The following LIN54 variants were observed in gnomAD, a reference collection of about 807,000 sequenced individuals.
LIN54 encodes lin-54 DREAM MuvB core complex component, also known as protein lin-54 homolog.
LIN54 carries 9 observed loss-of-function variants against 78.7 expected under a neutral mutation model. The observed-to-expected ratio is 0.11, with a 90% CI of 0.07 to 0.20. The LOEUF (loss-of-function observed/expected upper bound fraction) is 0.20. LIN54 is among the 10% of genes least tolerant of loss of function. LIN54 has a pLI of 1.00. For missense variants in LIN54, 573 were observed against 889.9 expected, an observed-to-expected ratio of 0.64 and a Z score of 4.53; for synonymous variants, 269 against 318.4, an observed-to-expected ratio of 0.84 and a Z score of 1.65.
intron 1 of LIN54, among the ~76,000 whole-genome samples, chr4:83,001,395 TAA>T (rs57228471): frequency 0.18 from 27,766 of 151,526 alleles, 2,702 homozygotes; most frequent in South Asian, 0.32. Flanking sequence ...ACAAAAAATT[TAA>T]AAGTTAGCCA....
intron 4 of LIN54, among the ~76,000 whole-genome samples, chr4:82,955,228 G>A (rs998150368): frequency 6.6e-6 from 1 of 152,060 alleles, no homozygotes; most frequent in Non-Finnish European, 1.5e-5. Flanking sequence ...ACTGGGCTTG[G>A]TGGCATCCAC....
At chr4:82,949,628 C>A (rs1723692171) in intron 4 of LIN54, among the ~76,000 whole-genome samples, 1 of 151,896 alleles carries the variant, frequency 6.6e-6, no homozygotes, top group Non-Finnish European at 1.5e-5. Flanking sequence ...AACTCCTGAC[C>A]CCAAGTGATC....
rs1189195539 is a variant in LIN54 at position 83,010,789 on chromosome 4, G to C, written c.-338C>G. The C allele has an allele frequency of 7.3e-6, 9 of 1,234,982 alleles. No individual in the cohort carries two copies. The highest frequency in any genetic ancestry group is 1.6e-5 in the African/African-American group (1 of 64,386). The allele number at this position is 1,234,982 out of a possible 1,614,324, so 76.5% of individuals were successfully genotyped here. A position where few individuals can be genotyped will look rare whatever the true frequency, so the allele number is the denominator to read the frequency against. On this transcript the variant is annotated 5_prime_UTR_variant, in exon 1 of 13. Transcript: ENST00000340417. The stretch of plus-strand genomic sequence containing the variant: ...AGCTCAGCAGCTTCCCCGACAGCCG[G>C]AGCCCGGGCCGCCGCCGCCGCCGCC...
rs144795042 is a variant in LIN54, at chr4:83,001,543, G to A, written c.-33+8941C>T. On this transcript the variant is annotated intron_variant, in intron 1 of 12. Coordinates refer to ENST00000340417, the MANE Select transcript of LIN54 (RefSeq NM_194282.4). ...CCAGCCTGAGCAGGAGTGAAATCCT[G>A]TCAAAAAGAAAAGAAAAAGAAGCCG... Among the ~76,000 whole-genome samples the A allele has an allele frequency of 3.3e-3, 498 of 151,300 alleles. 5 individuals carry two copies. The highest frequency in any genetic ancestry group is 0.012 in the African/African-American group (479 of 41,242).
intron 2 of LIN54, among the ~76,000 whole-genome samples, chr4:82,981,465 C>T (rs1726631405): frequency 6.6e-6 from 1 of 152,130 alleles, no homozygotes; most frequent in African/African-American, 2.4e-5. Context: ...AAACTTAACA[C>T]TGACAACTAC....
At position 82,984,681 on chromosome 4, in the gene LIN54, T is replaced by G. The variant is rs1252288092; in HGVS notation, c.164A>C (p.Asp55Ala). 6.2e-7 allele frequency: 1 copy of G among 1,614,106 alleles called. No homozygotes were observed. Among genetic ancestry groups the G allele is most frequent in the East Asian group, 2.2e-5 (1 of 44,884 alleles). Residue 55 changes from aspartate to alanine, a missense_variant, in exon 2 of 13, where the codon GAC becomes GCC. Around this residue, in one of 6 missense-constraint regions of LIN54, gnomAD observed 183 missense variants for 228.4 expected, o/e 0.80. Transcript: ENST00000340417. ...EEIVNINSTG[D>A]STATPISTEP... ...CGTGGAAATGGGCGTGGCTGTAGAGTCACCAGTAGAATTTATGTTGACAAT... is the reference window on the plus strand; with the variant it reads ...CGTGGAAATGGGCGTGGCTGTAGAGGCACCAGTAGAATTTATGTTGACAAT...
chr4:82,935,944 T>C lies in LIN54; in HGVS notation c.1845+37A>G, dbSNP rs745823908. The C allele has an allele frequency of 3.1e-6, 5 of 1,603,840 alleles. No individual in the cohort carries two copies. The Admixed American group carries it at 5.0e-5, about 16-fold the overall frequency. ...TGTAGTAGGTCCTTTCTAAAACTGT[T>C]TTTAAAAGATATTATTTTCCGCACC... On this transcript the variant is annotated intron_variant, in intron 11 of 12. Transcript: ENST00000340417.
chr4:82,962,368 T>G (rs1015031613), intron 4 of LIN54, among the ~76,000 whole-genome samples: 14 of 152,202 alleles, frequency 9.2e-5, no homozygotes, highest in African/African-American at 3.4e-4. Flanking sequence ...CTAAGTTACC[T>G]ACTTTTAATA....
chr4:82,998,806 T>A (rs1487614197), intron 1 of LIN54, among the ~76,000 whole-genome samples: 1 of 151,898 alleles, frequency 6.6e-6, no homozygotes, highest in Non-Finnish European at 1.5e-5. Context: ...ATCAAAAAAA[T>A]TTAAGAAAAA....
intron 1 of LIN54, among the ~76,000 whole-genome samples, chr4:82,986,652 C>T (rs1258869047): frequency 2.1e-5 from 3 of 143,642 alleles, no homozygotes; most frequent in East Asian, 4.2e-4. Context: ...TGCAATGAGC[C>T]GAGATCGTGC....
rs570316333 is a variant in LIN54, at chr4:82,979,768, T to C, written c.685-762A>G. 4.6e-5 allele frequency among the ~76,000 whole-genome samples: 7 copies of C among 151,580 alleles called. 1 individual carries two copies. Among genetic ancestry groups the C allele is most frequent in the African/African-American group, 1.7e-4 (7 of 41,392 alleles). On this transcript the variant is annotated intron_variant, in intron 2 of 12. Coordinates refer to ENST00000340417, the MANE Select transcript of LIN54 (RefSeq NM_194282.4). ...GCCTGGCCAACATGGTGAAACCCTG[T>C]CTCTACAAAAATACAAAAATAAGCA...
At chr4:82,994,768 T>TA (rs1453613963) in intron 1 of LIN54, among the ~76,000 whole-genome samples, 2 of 152,012 alleles carry the variant, frequency 1.3e-5, no homozygotes, top group East Asian at 1.9e-4. Flanking sequence ...AGCTGGTTGA[T>TA]AGAGTTATTC....
intron 1 of LIN54, among the ~76,000 whole-genome samples, chr4:83,000,148 C>G (rs2126106620): frequency 6.6e-6 from 1 of 152,258 alleles, no homozygotes; most frequent in Middle Eastern, 3.4e-3. Flanking sequence ...CCTGCCTCAG[C>G]TCTCCAAAGT....
At chr4:83,011,593 T>TAA (rs34986040), upstream of LIN54, among the ~76,000 whole-genome samples, 69 of 150,868 alleles carry the variant, frequency 4.6e-4, no homozygotes, top group South Asian at 6.5e-3. Flanking sequence ...GTCATCAAAT[T>TAA]AAAAAAAAAC....
chr4:82,949,627 C>A (rs1723691865), intron 4 of LIN54, among the ~76,000 whole-genome samples: 1 of 151,354 alleles, frequency 6.6e-6, no homozygotes. Context: ...GAACTCCTGA[C>A]CCCAAGTGAT....
chr4:82,981,868 C>CA (rs980714618), intron 2 of LIN54, among the ~76,000 whole-genome samples: 252 of 151,506 alleles, frequency 1.7e-3, no homozygotes, highest in African/African-American at 5.7e-3. Context: ...CCCATCTCTA[C>CA]AAAAAAAATA....
At position 83,010,588 on chromosome 4, in the gene LIN54, T is replaced by C. The variant is rs1453443142; in HGVS notation, c.-137A>G. Reference sequence around the variant, plus strand: ...CGGGGCTTGTTTTGCCCGTGCACGATAGCTCTGGCCAGCAGCTTCCTTTCC... The same window carrying C: ...CGGGGCTTGTTTTGCCCGTGCACGACAGCTCTGGCCAGCAGCTTCCTTTCC... On this transcript the variant is annotated 5_prime_UTR_variant, in exon 1 of 13. Coordinates refer to ENST00000340417, the MANE Select transcript of LIN54 (RefSeq NM_194282.4). The C allele has an allele frequency of 4.9e-6, 6 of 1,220,712 alleles. No homozygotes were observed. The highest frequency in any genetic ancestry group is 6.1e-6 in the Non-Finnish European group (6 of 981,108). 75.6% of individuals were successfully genotyped at this position (1,220,712 alleles called of 1,614,324 possible).
rs112771308 is a variant in LIN54, at chr4:82,968,329, C to T, written c.951+1998G>A. Among the ~76,000 whole-genome samples the T allele has an allele frequency of 2.3e-3, 347 of 152,164 alleles. 3 individuals carry two copies. Among genetic ancestry groups the T allele is most frequent in the African/African-American group, 8.0e-3 (330 of 41,500 alleles). On this transcript the variant is annotated intron_variant, in intron 4 of 12. Coordinates refer to ENST00000340417, the MANE Select transcript of LIN54 (RefSeq NM_194282.4). ...TTGCCAAGAGTCAAGAAAGGAAGATCCAATATGGCAGGGCTAAAGTCAAGG... is the reference window on the plus strand; with the variant it reads ...TTGCCAAGAGTCAAGAAAGGAAGATTCAATATGGCAGGGCTAAAGTCAAGG...
At chr4:82,983,707 C>T (rs984458467) in intron 2 of LIN54, among the ~76,000 whole-genome samples, 1 of 151,958 alleles carries the variant, frequency 6.6e-6, no homozygotes, top group African/African-American at 2.4e-5. Context: ...AAAAGGCACA[C>T]GCTGGCTGAC....
Sources: gnomAD v4.1 joint callset for allele counts (sites outside exome capture counted in the v4.1 genomes callset) on GRCh38, gnomAD v4.1.1 for gene constraint, gnomAD v4.1.1 regional missense constraint, MANE v1.5 for transcripts, NCBI Gene and HGNC (gene_info 2026-07-23, HGNC 2026-07-21) for gene names.